SPATA9: variants seen among roughly 807,000 people sequenced by gnomAD.
SPATA9 encodes the protein spermatogenesis associated 9, also known as spermatogenesis-associated protein 9.
SPATA9 carries 27 observed loss-of-function variants against 25.5 expected under a neutral mutation model. The ratio of observed to expected loss-of-function variants is 1.06; its 90% CI spans 0.78 to 1.46. SPATA9 has a LOEUF of 1.46. SPATA9 is among the 40% of genes most tolerant of loss of function. The pLI is 0.00. For missense variants in SPATA9, 282 were observed against 297.5 expected, an observed-to-expected ratio of 0.95 and a Z score of 0.38; for synonymous variants, 102 against 105.7, an observed-to-expected ratio of 0.97 and a Z score of 0.21.
intron 4 of SPATA9, chr5:95,659,527 TGATGAA>T (rs1369217128): frequency 1.3e-5 from 2 of 152,132 alleles, no homozygotes; most frequent in Non-Finnish European, 2.9e-5. Flanking sequence ...AGTTTACTAA[TGATGAA>T]GATGATGATG....
intron 3 of SPATA9, among the ~76,000 whole-genome samples, chr5:95,668,687 A>C (rs1000827599): frequency 6.6e-6 from 1 of 152,234 alleles, no homozygotes; most frequent in African/African-American, 2.4e-5. Flanking sequence ...TATGTAAAAC[A>C]TGTAAAATAT....
chr5:95,671,843 G>A (rs138514721), intron 3 of SPATA9, among the ~76,000 whole-genome samples: 1 of 152,040 alleles, frequency 6.6e-6, no homozygotes, highest in Admixed American at 6.5e-5. Context: ...CTGAGCTAAT[G>A]TGGAGCATCT....
At chr5:95,705,021 T>C in the SPATA9 span, among the ~76,000 whole-genome samples, 2 of 151,996 alleles carry the variant, frequency 1.3e-5, no homozygotes, top group South Asian at 4.2e-4. Flanking sequence ...CTCAGCTCAC[T>C]GCAGCCTCAA....
chr5:95,670,286 C>T (rs1408409931), intron 3 of SPATA9: 2 of 152,136 alleles, frequency 1.3e-5, no homozygotes, highest in African/African-American at 4.8e-5. Flanking sequence ...AGCTGAAACA[C>T]TATTCTAGTT....
Position 95,671,300 on chromosome 5 carries a change from C to T in SPATA9, c.378+4112G>A, listed in dbSNP as rs10051654. On this transcript the variant is annotated intron_variant, in intron 3 of 4. Coordinates refer to ENST00000274432, the MANE Select transcript of SPATA9 (RefSeq NM_031952.4). ...ACTTTGATCATCCACTTGCTACATC[C>T]TACTGACACTGCTTATTTGCCTGTG... Among the ~76,000 whole-genome samples, 847 of 152,316 alleles carry T rather than the reference C, an allele frequency of 5.6e-3. 15 individuals carry two copies. The highest frequency in any genetic ancestry group is 0.02 in the African/African-American group (813 of 41,564).
chr5:95,730,243 C>A, the SPATA9 span, among the ~76,000 whole-genome samples: 1 of 152,120 alleles, frequency 6.6e-6, no homozygotes, highest in South Asian at 2.1e-4. Context: ...CTCTTTCATA[C>A]CCTCAAAATA....
chr5:95,695,530 G>A (rs540414683), intron 1 of SPATA9, among the ~76,000 whole-genome samples: 1 of 152,272 alleles, frequency 6.6e-6, no homozygotes, highest in South Asian at 2.1e-4. Context: ...CCCAGGAGGT[G>A]GAGGTTGCAG....
chr5:95,719,015 G>A, the SPATA9 span, among the ~76,000 whole-genome samples: 1 of 152,204 alleles, frequency 6.6e-6, no homozygotes, highest in Non-Finnish European at 1.5e-5. Flanking sequence ...CCATGGTAAG[G>A]AGGTATAAAG....
intron 3 of SPATA9, among the ~76,000 whole-genome samples, chr5:95,667,959 T>C (rs1421427568): frequency 6.6e-6 from 1 of 152,194 alleles, no homozygotes; most frequent in Non-Finnish European, 1.5e-5. Context: ...GTTCCAGCCA[T>C]GTGAAGTGCT....
the SPATA9 span, among the ~76,000 whole-genome samples, chr5:95,722,163 T>C: frequency 2.0e-5 from 3 of 152,230 alleles, no homozygotes; most frequent in East Asian, 1.9e-4. Context: ...TAGTACCCAA[T>C]GGATGGCCAT....
chr5:95,715,889 C>T, the SPATA9 span, among the ~76,000 whole-genome samples: 1 of 152,308 alleles, frequency 6.6e-6, no homozygotes, highest in African/African-American at 2.4e-5. Flanking sequence ...ACAAAAACCA[C>T]TCAATGTAAA....
chr5:95,703,420 G>A (rs922281748), upstream of SPATA9, among the ~76,000 whole-genome samples: 2 of 152,162 alleles, frequency 1.3e-5, no homozygotes, highest in East Asian at 1.9e-4. Flanking sequence ...GATCCCTTGA[G>A]GTCATGAGTT....
At chr5:95,697,397 C>T (rs1006213042) in intron 1 of SPATA9, among the ~76,000 whole-genome samples, 14 of 152,180 alleles carry the variant, frequency 9.2e-5, no homozygotes, top group African/African-American at 3.4e-4. Flanking sequence ...CACCTCACAA[C>T]CTGGCGGATT....
intron 3 of SPATA9, among the ~76,000 whole-genome samples, chr5:95,665,611 A>G (rs1002735477): frequency 6.6e-6 from 1 of 150,916 alleles, no homozygotes; most frequent in Non-Finnish European, 1.5e-5. Flanking sequence ...TTCTTTATCC[A>G]TTCACCTGTG....
the SPATA9 span, chr5:95,719,688 T>G: frequency 1.3e-5 from 2 of 152,246 alleles, no homozygotes; most frequent in Admixed American, 6.5e-5. Flanking sequence ...ATTCAGAGAC[T>G]GGCTTTGTGA....
chr5:95,710,603 C>A, the SPATA9 span, among the ~76,000 whole-genome samples: 3 of 152,174 alleles, frequency 2.0e-5, no homozygotes, highest in South Asian at 4.1e-4. Context: ...CCTTTAGCAA[C>A]TCCCTGGCTT....
At chr5:95,696,986 C>G (rs375013664) in intron 1 of SPATA9, among the ~76,000 whole-genome samples, 34 of 152,308 alleles carry the variant, frequency 2.2e-4, no homozygotes, top group Middle Eastern at 3.4e-3. Flanking sequence ...GGCTCATTTA[C>G]TAATGCATAA....
chr5:95,668,482 A>G (rs1372671648), intron 3 of SPATA9, among the ~76,000 whole-genome samples: 4 of 152,150 alleles, frequency 2.6e-5, no homozygotes, highest in Non-Finnish European at 5.9e-5. Flanking sequence ...TCTTGCTTTG[A>G]GCAGAAATAG....
chr5:95,698,340 G>A (rs534466328), intron 1 of SPATA9, among the ~76,000 whole-genome samples: 1 of 152,298 alleles, frequency 6.6e-6, no homozygotes, highest in Non-Finnish European at 1.5e-5. Flanking sequence ...TTCACAGCAA[G>A]CTGTGGACTT....
Sources: gnomAD v4.1 joint callset for allele counts (sites outside exome capture counted in the v4.1 genomes callset) on GRCh38, gnomAD v4.1.1 for gene constraint, MANE v1.5 for transcripts, NCBI Gene and HGNC (gene_info 2026-07-23, HGNC 2026-07-21) for gene names.